Variants in DNAH10 observed in about 807,000 individuals in gnomAD.
DNAH10 encodes axonemal beta dynein heavy chain 10.
Under a neutral mutation model 506.6 loss-of-function variants are expected in DNAH10, and 348 were observed. The ratio of observed to expected loss-of-function variants is 0.69; its 90% CI spans 0.63 to 0.75. The LOEUF (loss-of-function observed/expected upper bound fraction) is 0.75, where lower values mean the gene tolerates loss of function less well. Ranked by LOEUF, DNAH10 falls within the 30% of genes least tolerant of loss-of-function variation. The pLI is 0.00. For synonymous variants in DNAH10, 2,059 were observed against 2,198.6 expected (o/e 0.94, Z 1.78); for missense variants, 5,179 against 5,787.1 (o/e 0.89, Z 3.41).
chr12:123,762,702 CG>C lies in DNAH10; in HGVS notation c.214+155del, dbSNP rs1452353847. 1.5e-4 allele frequency among the ~76,000 whole-genome samples: 23 copies of C among 152,202 alleles called. No individual in the cohort carries two copies. Among genetic ancestry groups the C allele is most frequent in the Admixed American group, 1.3e-3 (20 of 15,280 alleles). Reference sequence around the variant, plus strand: ...GCTGCCGCCCGCCACGTGCAGGCCCCGGGCGAACCCAGCAATCACAGCCGTC... The same window carrying C: ...GCTGCCGCCCGCCACGTGCAGGCCCCGGCGAACCCAGCAATCACAGCCGTC... On this transcript the variant is annotated intron_variant, in intron 1 of 78. Transcript: ENST00000673944. The surrounding 1 kb of genome is among the most constrained non-coding windows in gnomAD (Gnocchi z 5.0).
At position 123,787,889 on chromosome 12, in the gene DNAH10, G is replaced by C. The variant is rs146557304; in HGVS notation, c.1507G>C (p.Ala503Pro). The C allele has an allele frequency of 6.2e-7, 1 of 1,613,670 alleles. No individual in the cohort carries two copies. The highest frequency in any genetic ancestry group is 8.5e-7 in the Non-Finnish European group (1 of 1,179,856). The change falls in exon 10 of 79, where the codon GCC becomes CCC. Residue 503 changes from alanine (A) to proline (P), a missense_variant. By Grantham distance (27) the Ala-to-Pro change is conservative. Transcript: ENST00000673944. The surrounding 1 kb of genome is among the most constrained non-coding windows in gnomAD (Gnocchi z 4.6). ...LWKKAYFDTR[A>P]KIEASGREDR... Reference sequence around the variant, plus strand: ...GAAAAAGGCCTATTTTGACACCCGGGCCAAGATAGAGGCTTCGGGGAGGGA... The same window carrying C: ...GAAAAAGGCCTATTTTGACACCCGGCCCAAGATAGAGGCTTCGGGGAGGGA...
At position 123,873,613 on chromosome 12, in the gene DNAH10, A is replaced by G. The variant is rs1407271493; in HGVS notation, c.7841A>G (p.Asn2614Ser). The part of the protein sequence containing the change: ...SRTTSMDIQR[N>S]LEANVEKRTK... Reference sequence around the variant, plus strand: ...ACCACGTCCATGGATATCCAAAGAAATTTAGAAGCAAATGTGGAAAAGCGA... The same window carrying G: ...ACCACGTCCATGGATATCCAAAGAAGTTTAGAAGCAAATGTGGAAAAGCGA... The change falls in exon 46 of 79, where the codon AAT (asparagine) becomes AGT (serine). Residue 2614 changes from asparagine to serine, a missense_variant. By Grantham distance (46) the Asn-to-Ser change is conservative (BLOSUM62 1). This residue lies in a region of DNAH10 where 4,844 missense variants were observed against 5,430.5 expected (regional missense o/e 0.89). Coordinates refer to ENST00000673944, the MANE Select transcript of DNAH10 (RefSeq NM_001372106.1). 1 of 1,613,972 alleles carries G rather than the reference A, an allele frequency of 6.2e-7. No individual in the cohort carries two copies. Among genetic ancestry groups the G allele is most frequent in the Non-Finnish European group, 8.5e-7 (1 of 1,179,878 alleles).
In DNAH10 at chr12:123,926,724, C is replaced by G. The variant is rs777063479; in HGVS notation, c.12009C>G (p.Gly4003=). 4.3e-6 allele frequency: 7 copies of G among 1,613,988 alleles called. No homozygotes were observed. Among genetic ancestry groups the G allele is most frequent in the Non-Finnish European group, 5.9e-6 (7 of 1,179,896 alleles). Residue 4003 remains glycine (G), a synonymous_variant, in exon 69 of 79, where the codon GGC becomes GGG. Transcript: ENST00000673944. The surrounding 1 kb of genome is among the most constrained non-coding windows in gnomAD (Gnocchi z 4.1). ...HSPIVFILSP[G]SDPATDLMKL... The stretch of plus-strand genomic sequence containing the variant: ...CCATTGTGTTTATCCTGAGTCCTGG[C>G]TCCGACCCTGCCACTGATCTTATGA...
At position 123,910,518 on chromosome 12, in the gene DNAH10, T is replaced by C. The variant is rs1266216106; in HGVS notation, c.9998-18T>C. ...TGAAGCTTGCCACTCATAAAAATTATTGCATGTTTCACGTTAGGCCTCTTG... is the reference window on the plus strand; with the variant it reads ...TGAAGCTTGCCACTCATAAAAATTACTGCATGTTTCACGTTAGGCCTCTTG... On this transcript the variant is annotated intron_variant, in intron 58 of 78. Coordinates refer to ENST00000673944, the MANE Select transcript of DNAH10 (RefSeq NM_001372106.1). 3.1e-6 allele frequency: 5 copies of C among 1,603,604 alleles called. No homozygotes were observed. The highest frequency in any genetic ancestry group is 4.3e-6 in the Non-Finnish European group (5 of 1,174,508).
chr12:123,820,839 C>A, intron 24 of DNAH10, 81 bp downstream of exon 24: 1 of 1,468,392 alleles, frequency 6.8e-7, no homozygotes, highest in Non-Finnish European at 9.4e-7. Flanking sequence ...GACTTTGATG[C>A]CACCATAATA....
chr12:123,808,342 A>G (rs1958791772), intron 18 of DNAH10, among the ~76,000 whole-genome samples: 1 of 151,930 alleles, frequency 6.6e-6, no homozygotes, highest in Admixed American at 6.5e-5. Context: ...GATGTTTTAA[A>G]ATAGTGTCTC....
intron 52 of DNAH10, among the ~76,000 whole-genome samples, chr12:123,890,054 C>G (rs1161692875): frequency 6.6e-6 from 1 of 152,208 alleles, no homozygotes; most frequent in African/African-American, 2.4e-5. Flanking sequence ...GCGTCACATC[C>G]ACAGAGTCCT....
intron 1 of DNAH10, among the ~76,000 whole-genome samples, chr12:123,767,128 G>A (rs1257755760): frequency 1.3e-5 from 2 of 151,904 alleles, no homozygotes; most frequent in Non-Finnish European, 2.9e-5. Context: ...GGCTGGTCTC[G>A]AGCTCCCGAT....
intron 28 of DNAH10, among the ~76,000 whole-genome samples, chr12:123,838,250 G>A (rs1209901282): frequency 2.0e-5 from 3 of 152,198 alleles, no homozygotes; most frequent in African/African-American, 7.2e-5. Context: ...AAACCAGTTA[G>A]TTACATGTAG....
At chr12:123,784,989 G>A (rs1409381631) in intron 8 of DNAH10, among the ~76,000 whole-genome samples, 5 of 152,192 alleles carry the variant, frequency 3.3e-5, no homozygotes, top group Admixed American at 1.3e-4. Context: ...TTCATCAGTC[G>A]GTGGGCATTT....
At chr12:123,923,954 C>A in intron 66 of DNAH10, 87 bp downstream of exon 66, 1 of 1,033,548 alleles carries the variant, frequency 9.7e-7, no homozygotes, top group Non-Finnish European at 1.4e-6. Flanking sequence ...CAAACAATAA[C>A]AAAAATTCTC....
chr12:123,873,488 AT>A, intron 45 of DNAH10, 69 bp from the exon 46 acceptor site: 1 of 1,524,134 alleles, frequency 6.6e-7, no homozygotes, highest in East Asian at 2.3e-5. Context: ...TTGCTAGCTT[AT>A]TTGCAAATGT....
Position 123,770,515 on chromosome 12 carries a change from A to G in DNAH10, c.299-1086A>G, listed in dbSNP as rs1002704560. On this transcript the variant is annotated intron_variant, in intron 2 of 78. Transcript: ENST00000673944. ...TTTTTTTTTTTTTTTTTTTTACTGT[A>G]GTCTATTGCTAGTTCTCTAATAATG... is the stretch of plus-strand genomic sequence containing the variant. Among the ~76,000 whole-genome samples the G allele has an allele frequency of 4.5e-5, 6 of 132,680 alleles. No homozygotes were observed. In the Admixed American group the frequency reaches 4.7e-4, roughly 10 times the overall value. 87.0% of individuals were successfully genotyped at this position (132,680 alleles called of 152,430 possible). A position where few individuals can be genotyped will look rare whatever the true frequency, so the allele number is the denominator to read the frequency against.
chr12:123,926,603 C>T lies in DNAH10; in HGVS notation c.11922-34C>T, dbSNP rs375968493. The T allele has an allele frequency of 4.9e-5, 78 of 1,601,074 alleles. No individual in the cohort carries two copies. Among genetic ancestry groups the T allele is most frequent in the South Asian group, 2.2e-4 (20 of 89,662 alleles). ...AGCCCCTGGTCTGGAGCTGTCCTCG[C>T]GGGAGAGTTTTCTGACTGTGTTTCT... On this transcript the variant is annotated intron_variant, in intron 68 of 78. Transcript: ENST00000673944. This position sits in a 1 kb window ranked among gnomAD's most constrained non-coding sequence, Gnocchi z 4.1.
chr12:123,834,315 C>A (rs1960904421), intron 27 of DNAH10, among the ~76,000 whole-genome samples: 1 of 152,132 alleles, frequency 6.6e-6, no homozygotes, highest in South Asian at 2.1e-4. Flanking sequence ...TCAAGTGATT[C>A]TCCTGCCTCA....
At chr12:123,780,595 C>T (rs928607166) in intron 5 of DNAH10, among the ~76,000 whole-genome samples, 24 of 152,114 alleles carry the variant, frequency 1.6e-4, no homozygotes, top group African/African-American at 5.6e-4. Context: ...AATGTAATCT[C>T]TCTGTCTTTA....
chr12:123,857,406 A>G (rs1951437882), intron 37 of DNAH10, among the ~76,000 whole-genome samples, 159 bp downstream of exon 37: 1 of 152,226 alleles, frequency 6.6e-6, no homozygotes, highest in Admixed American at 6.5e-5. Flanking sequence ...TACACATAAC[A>G]ATATTTACCA....
chr12:123,910,932 C>T (rs1323763110), intron 59 of DNAH10, among the ~76,000 whole-genome samples: 2 of 152,006 alleles, frequency 1.3e-5, no homozygotes, highest in African/African-American at 4.8e-5. Flanking sequence ...TCAGACCAGG[C>T]GTGGTAGCTC....
At chr12:123,862,852 G>C (rs1266452074) in intron 39 of DNAH10, among the ~76,000 whole-genome samples, 1 of 152,096 alleles carries the variant, frequency 6.6e-6, no homozygotes, top group African/African-American at 2.4e-5. Flanking sequence ...CTTATTCTTA[G>C]GAAATACTTG....
Sources: gnomAD v4.1 joint callset for allele counts (sites outside exome capture counted in the v4.1 genomes callset) on GRCh38, gnomAD v4.1.1 for gene constraint, gnomAD v4.1.1 regional missense constraint, Gnocchi (gnomAD v3.1) non-coding constraint, MANE v1.5 for transcripts, NCBI Gene and HGNC (gene_info 2026-07-23, HGNC 2026-07-21) for gene names.